PRKX: variants seen among roughly 807,000 people sequenced by gnomAD.
The protein encoded by PRKX is cAMP-dependent protein kinase catalytic subunit PRKX.
Under a neutral mutation model 22.0 loss-of-function variants are expected in PRKX, and 12 were observed. The observed-to-expected ratio is 0.54, with a 90% CI of 0.35 to 0.88. PRKX has a LOEUF of 0.88. Among genes scored for constraint, PRKX ranks in the 40% least tolerant of loss-of-function variants. The probability of loss-of-function intolerance (pLI) is 0.01; values close to 1 mark genes in which losing one functional copy is unlikely to be tolerated. For synonymous variants in PRKX, 134 were observed against 137.7 expected, an observed-to-expected ratio of 0.97 and a Z score of 0.19; for missense variants, 217 against 308.0, an observed-to-expected ratio of 0.70 and a Z score of 2.21.
chrX:3,632,425 G>A (rs777847134), intron 4 of PRKX, among the ~76,000 whole-genome samples: 1 of 111,045 alleles, frequency 9.0e-6, no homozygotes, highest in East Asian at 2.8e-4. Flanking sequence ...GTAGTTGGGG[G>A]AGTTGTATTC....
At chrX:3,684,511 T>C (rs1928137165) in intron 1 of PRKX, among the ~76,000 whole-genome samples, 1 of 111,872 alleles carries the variant, frequency 8.9e-6, no homozygotes, top group East Asian at 2.8e-4. Context: ...AAAGTACCTA[T>C]TAATTACACT....
chrX:3,629,193 G>A (rs756949451), intron 4 of PRKX, among the ~76,000 whole-genome samples: 81 of 111,429 alleles, frequency 7.3e-4, no homozygotes, highest in Non-Finnish European at 1.3e-3. Flanking sequence ...GAGCCTGCTT[G>A]CACGGCACTA....
intron 1 of PRKX, among the ~76,000 whole-genome samples, chrX:3,684,928 G>A (rs770475603): frequency 6.3e-5 from 7 of 111,624 alleles, no homozygotes; most frequent in African/African-American, 9.8e-5. Context: ...GCGATCCTCC[G>A]GCCTCAGCCT....
At chrX:3,688,253 C>G (rs1234294969) in intron 1 of PRKX, among the ~76,000 whole-genome samples, 1 of 105,623 alleles carries the variant, frequency 9.5e-6, no homozygotes, top group African/African-American at 3.4e-5. Context: ...CGAGACCAGC[C>G]CAGCCAACAT....
chrX:3,620,275 C>A (rs1926526904), intron 6 of PRKX, among the ~76,000 whole-genome samples: 1 of 112,413 alleles, frequency 8.9e-6, no homozygotes, highest in African/African-American at 3.2e-5. Context: ...GAAGCTCTGA[C>A]ACGGGCTACA....
intron 4 of PRKX, among the ~76,000 whole-genome samples, chrX:3,629,268 CT>C (rs1442494256): frequency 9.1e-6 from 1 of 109,480 alleles, no homozygotes; most frequent in African/African-American, 3.3e-5. Context: ...GAGACAGGGT[CT>C]TGCTCTGTTG....
chrX:3,706,790 T>C (rs1176617163), intron 1 of PRKX, among the ~76,000 whole-genome samples: 2 of 111,943 alleles, frequency 1.8e-5, no homozygotes, highest in Non-Finnish European at 3.8e-5. Flanking sequence ...GCGAAACCCA[T>C]TGGGCACACA....
intron 7 of PRKX, 71 bp from the exon 8 acceptor site, chrX:3,612,396 C>A (rs1452384840): frequency 3.8e-5 from 40 of 1,044,299 alleles, no homozygotes; most frequent in Non-Finnish European, 3.8e-6. Flanking sequence ...GCACACACCG[C>A]TTTATTTCTG....
intron 1 of PRKX, among the ~76,000 whole-genome samples, chrX:3,710,000 C>A (rs1346541744): frequency 2.7e-5 from 3 of 109,170 alleles, no homozygotes; most frequent in African/African-American, 1.0e-4. Flanking sequence ...ATTGCCCAGG[C>A]TGGTCTGGAA....
intron 3 of PRKX, among the ~76,000 whole-genome samples, chrX:3,648,034 C>T (rs1421723903): frequency 9.0e-6 from 1 of 111,705 alleles, no homozygotes; most frequent in African/African-American, 3.3e-5. Context: ...GGTTTATCAA[C>T]GCGTAGAATG....
intron 1 of PRKX, among the ~76,000 whole-genome samples, chrX:3,712,208 C>A (rs890069003): frequency 5.4e-5 from 6 of 111,375 alleles, no homozygotes; most frequent in African/African-American, 2.0e-4. Context: ...CCCAGGACAG[C>A]CCCCTCTACT....
chrX:3,669,925 T>C (rs1238529098), intron 2 of PRKX, among the ~76,000 whole-genome samples: 1 of 111,915 alleles, frequency 8.9e-6, no homozygotes, highest in Non-Finnish European at 1.9e-5. Flanking sequence ...CCTCCCTCCC[T>C]GAAGGAACAC....
intron 1 of PRKX, among the ~76,000 whole-genome samples, chrX:3,688,284 A>G (rs1369244305): frequency 9.7e-6 from 1 of 103,438 alleles, no homozygotes; most frequent in East Asian, 3.9e-4. Flanking sequence ...CATCTCTACT[A>G]AAAATACAAC....
At chrX:3,704,369 A>C (rs1307421302) in intron 1 of PRKX, among the ~76,000 whole-genome samples, 2 of 112,075 alleles carry the variant, frequency 1.8e-5, no homozygotes, top group South Asian at 3.7e-4. Flanking sequence ...TGGGATTCTA[A>C]AGTACATAGG....
At chrX:3,700,165 T>C (rs1024623726) in intron 1 of PRKX, among the ~76,000 whole-genome samples, 1 of 112,395 alleles carries the variant, frequency 8.9e-6, no homozygotes, top group Admixed American at 9.5e-5. Context: ...GTTACAATTC[T>C]ACTTCTTCTA....
intron 1 of PRKX, among the ~76,000 whole-genome samples, chrX:3,683,344 T>C (rs1928111338): frequency 1.8e-5 from 2 of 111,347 alleles, no homozygotes; most frequent in African/African-American, 6.5e-5. Flanking sequence ...TGGTCTGAAC[T>C]GTGCAGACCT....
chrX:3,673,096 G>C (rs1386005247), intron 2 of PRKX, among the ~76,000 whole-genome samples: 2 of 111,854 alleles, frequency 1.8e-5, no homozygotes, highest in Non-Finnish European at 3.8e-5. Context: ...ATTGGGTCTA[G>C]AGGAGAAGGC....
Position 3,704,665 on chromosome X carries a change from A to C in PRKX, c.166+8423T>G, listed in dbSNP as rs113603328. Reference sequence around the variant, plus strand: ...TGTCCGAGTGAGACCCTGTCCAAAAAAAAAAGGAGTGAGATAATGCCGTAT... The same window carrying C: ...TGTCCGAGTGAGACCCTGTCCAAAACAAAAAGGAGTGAGATAATGCCGTAT... On this transcript the variant is annotated intron_variant, in intron 1 of 8. Coordinates refer to ENST00000262848, the MANE Select transcript of PRKX (RefSeq NM_005044.5). Among the ~76,000 whole-genome samples, 854 of 111,184 alleles carry C rather than the reference A, an allele frequency of 7.7e-3. 7 individuals carry two copies. Among genetic ancestry groups the C allele is most frequent in the African/African-American group, 0.026 (808 of 30,511 alleles).
chrX:3,686,615 T>C (rs1455942706), intron 1 of PRKX, among the ~76,000 whole-genome samples: 2 of 109,550 alleles, frequency 1.8e-5, no homozygotes, highest in African/African-American at 6.7e-5. Flanking sequence ...TGGAGTTCAG[T>C]GGCGCGATCT....
Sources: allele counts gnomAD v4.1 joint callset (sites outside exome capture counted in the v4.1 genomes callset), GRCh38; gene constraint gnomAD v4.1.1; transcripts MANE v1.5; gene names NCBI Gene and HGNC (gene_info 2026-07-23, HGNC 2026-07-21).